The following AKT3 variants were observed in gnomAD, a reference collection of about 807,000 sequenced individuals.
AKT3 encodes the protein RAC-gamma serine/threonine-protein kinase.
Under a neutral mutation model 65.3 loss-of-function variants are expected in AKT3, and 15 were observed. The ratio of observed to expected loss-of-function variants is 0.23; its 90% CI spans 0.15 to 0.35. AKT3 has a LOEUF of 0.35. Ranked by LOEUF, AKT3 falls within the 10% of genes least tolerant of loss-of-function variation. The pLI, the probability that AKT3 is intolerant of heterozygous loss-of-function variation, is 1.00. For missense variants in AKT3, 243 were observed against 576.5 expected (o/e 0.42, Z 5.92); for synonymous variants, 206 against 183.8 (o/e 1.12, Z -0.98).
At chr1:243,665,796 A>G (rs1432094319) in intron 3 of AKT3, among the ~76,000 whole-genome samples, 1 of 152,172 alleles carries the variant, frequency 6.6e-6, no homozygotes, top group Non-Finnish European at 1.5e-5. Context: ...GCTGGGCTTT[A>G]AAGGATAAAT....
At chr1:243,823,252 T>C (rs1572409437) in intron 2 of AKT3, among the ~76,000 whole-genome samples, 1 of 152,278 alleles carries the variant, frequency 6.6e-6, no homozygotes, top group Middle Eastern at 3.4e-3. Context: ...AAACTCTCAA[T>C]AAATTAGGTA....
chr1:243,586,791 T>C (rs961918257), intron 8 of AKT3, among the ~76,000 whole-genome samples: 1 of 152,052 alleles, frequency 6.6e-6, no homozygotes, highest in Admixed American at 6.5e-5. Flanking sequence ...TACCTGATCA[T>C]GGGATCATTT....
chr1:243,783,802 T>C (rs1302410548), intron 2 of AKT3, among the ~76,000 whole-genome samples: 1 of 152,150 alleles, frequency 6.6e-6, no homozygotes, highest in Non-Finnish European at 1.5e-5. Context: ...AACGAGTTTA[T>C]ACAATTGATA....
chr1:243,593,532 C>G (rs1571996081), intron 8 of AKT3, among the ~76,000 whole-genome samples: 1 of 152,148 alleles, frequency 6.6e-6, no homozygotes, highest in African/African-American at 2.4e-5. Context: ...AATAAAAATA[C>G]AAAAATTAGC....
intron 13 of AKT3, among the ~76,000 whole-genome samples, chr1:243,494,503 G>A (rs550835884): frequency 1.3e-5 from 2 of 152,242 alleles, no homozygotes; most frequent in Admixed American, 1.3e-4. Flanking sequence ...AGCATCTCGC[G>A]ACCTTCGGAG....
chr1:243,496,969 G>A (rs191472181), downstream of AKT3, among the ~76,000 whole-genome samples: 159 of 152,332 alleles, frequency 1.0e-3, 1 homozygote, highest in Admixed American at 5.6e-3. Context: ...CCCCCTCTGA[G>A]CTGCAGGACA....
At chr1:243,800,602 C>T (rs998106089) in intron 2 of AKT3, among the ~76,000 whole-genome samples, 2 of 152,086 alleles carry the variant, frequency 1.3e-5, no homozygotes, top group African/African-American at 4.8e-5. Context: ...CCTGTAGTCC[C>T]AGCTACTCGG....
intron 2 of AKT3, among the ~76,000 whole-genome samples, chr1:243,697,421 T>C (rs1481711939): frequency 6.6e-6 from 1 of 151,984 alleles, no homozygotes; most frequent in Non-Finnish European, 1.5e-5. Context: ...AATATTCAGA[T>C]AGTTATGGAT....
intron 2 of AKT3, among the ~76,000 whole-genome samples, chr1:243,746,910 G>A (rs1688503931): frequency 6.6e-6 from 1 of 151,778 alleles, no homozygotes; most frequent in African/African-American, 2.4e-5. Context: ...GGGGTGGGGG[G>A]CAGTACAGGA....
At chr1:243,550,387 G>A (rs1672965112) in intron 11 of AKT3, among the ~76,000 whole-genome samples, 1 of 152,026 alleles carries the variant, frequency 6.6e-6, no homozygotes, top group African/African-American at 2.4e-5. Flanking sequence ...ATACTAGGCG[G>A]TTAACATTCT....
At chr1:243,804,874 A>G (rs1692629719) in intron 2 of AKT3, among the ~76,000 whole-genome samples, 1 of 151,960 alleles carries the variant, frequency 6.6e-6, no homozygotes, top group African/African-American at 2.4e-5. Context: ...AAAAAAGAAT[A>G]TAATATACAT....
chr1:243,553,458 C>T (rs928478416), intron 10 of AKT3, among the ~76,000 whole-genome samples: 3 of 152,156 alleles, frequency 2.0e-5, no homozygotes, highest in African/African-American at 7.2e-5. Flanking sequence ...CAGGGCAAGA[C>T]AACCATTAAA....
chr1:243,769,154 A>T (rs1690016034), intron 2 of AKT3, among the ~76,000 whole-genome samples: 1 of 151,848 alleles, frequency 6.6e-6, no homozygotes, highest in South Asian at 2.1e-4. Context: ...AGGTTATTTC[A>T]TTTCTTTTCT....
chr1:243,825,415 T>C (rs1042391742), intron 2 of AKT3, among the ~76,000 whole-genome samples: 2 of 152,144 alleles, frequency 1.3e-5, no homozygotes, highest in African/African-American at 4.8e-5. Context: ...AAAATCACAA[T>C]GACAACTATT....
intron 8 of AKT3, among the ~76,000 whole-genome samples, chr1:243,603,662 CA>C (rs1677181243): frequency 6.6e-6 from 1 of 152,126 alleles, no homozygotes. Context: ...TAACTCTCCC[CA>C]CTCCTTGGCT....
chr1:243,557,194 C>T (rs529473382), intron 10 of AKT3, among the ~76,000 whole-genome samples: 7 of 152,170 alleles, frequency 4.6e-5, no homozygotes, highest in African/African-American at 1.7e-4. Context: ...TTCTATACTT[C>T]TTTTTTATTC....
At chr1:243,496,107 G>A (rs183699212), downstream of AKT3, among the ~76,000 whole-genome samples, 1 of 152,378 alleles carries the variant, frequency 6.6e-6, no homozygotes, top group East Asian at 1.9e-4. Context: ...TGAGATCATT[G>A]TGGGCTTGAA....
chr1:243,518,316 A>C (rs1182468179), intron 12 of AKT3, among the ~76,000 whole-genome samples: 1 of 152,134 alleles, frequency 6.6e-6, no homozygotes, highest in Non-Finnish European at 1.5e-5. Context: ...TATGGGGAAC[A>C]TTGTCGGGTA....
chr1:243,568,754 G>C (rs1475992052), intron 9 of AKT3, among the ~76,000 whole-genome samples: 1 of 152,040 alleles, frequency 6.6e-6, no homozygotes, highest in Admixed American at 6.6e-5. Context: ...AAAGTTGTGG[G>C]GCATACCAGG....
Sources: gnomAD v4.1 joint callset for allele counts (sites outside exome capture counted in the v4.1 genomes callset) on GRCh38, gnomAD v4.1.1 for gene constraint, MANE v1.5 for transcripts, NCBI Gene and HGNC (gene_info 2026-07-23, HGNC 2026-07-21) for gene names.